RALGPS1: variants seen among roughly 807,000 people sequenced by gnomAD.
The protein encoded by RALGPS1 is ras-specific guanine nucleotide-releasing factor RalGPS1.
RALGPS1 carries 19 observed loss-of-function variants against 78.8 expected under a neutral mutation model. The observed-to-expected ratio is 0.24, with a 90% confidence interval of 0.17 to 0.35. RALGPS1 has a LOEUF of 0.35. Among genes scored for constraint, RALGPS1 ranks in the 10% least tolerant of loss-of-function variants. The pLI is 1.00. For synonymous variants in RALGPS1, 228 were observed against 256.3 expected, an observed-to-expected ratio of 0.89 and a Z score of 1.06; for missense variants, 454 against 688.3, an observed-to-expected ratio of 0.66 and a Z score of 3.81.
At chr9:127,089,440 G>A (rs1458766547) in intron 8 of RALGPS1, among the ~76,000 whole-genome samples, 1 of 152,216 alleles carries the variant, frequency 6.6e-6, no homozygotes, top group African/African-American at 2.4e-5. Context: ...TCTGAGGATT[G>A]AATGAGGATG....
chr9:126,949,889 A>C (rs2037647542), intron 1 of RALGPS1, among the ~76,000 whole-genome samples: 1 of 152,166 alleles, frequency 6.6e-6, no homozygotes, highest in African/African-American at 2.4e-5. Context: ...GTCCTTGCCC[A>C]TGCCTGTGTC....
chr9:126,980,253 T>C (rs2041118189), intron 4 of RALGPS1, among the ~76,000 whole-genome samples: 1 of 152,120 alleles, frequency 6.6e-6, no homozygotes, highest in African/African-American at 2.4e-5. Flanking sequence ...ATGAATAAAG[T>C]ACAATTTTAA....
Position 127,196,459 on chromosome 9 carries a change from CT to C in RALGPS1, c.1038-12del. Reference sequence around the variant, plus strand: ...ATAAGGAGCTTTGCCTTCTTTCTTCCTTTCCATTTTCCAGTATGATGTGTCA... The same window carrying C: ...ATAAGGAGCTTTGCCTTCTTTCTTCCTTCCATTTTCCAGTATGATGTGTCA... On this transcript the variant is annotated splice_polypyrimidine_tract_variant and intron_variant, in intron 12 of 18. Transcript: ENST00000259351. The C allele has an allele frequency of 6.2e-7, 1 of 1,603,376 alleles. No homozygotes were observed. Among genetic ancestry groups the C allele is most frequent in the Non-Finnish European group, 8.5e-7 (1 of 1,173,000 alleles).
intron 4 of RALGPS1, among the ~76,000 whole-genome samples, chr9:127,006,772 G>A (rs2043871704): frequency 6.6e-6 from 1 of 152,134 alleles, no homozygotes; most frequent in Non-Finnish European, 1.5e-5. Flanking sequence ...AGGTGGTCTG[G>A]CTCTAGGGTC....
chr9:126,924,152 G>A (rs1353465770), intron 1 of RALGPS1, among the ~76,000 whole-genome samples: 2 of 152,204 alleles, frequency 1.3e-5, no homozygotes, highest in African/African-American at 4.8e-5. Context: ...CCATATGCAT[G>A]TAACAGTTTC....
chr9:127,095,456 G>A (rs1265361539), intron 8 of RALGPS1, among the ~76,000 whole-genome samples: 1 of 152,202 alleles, frequency 6.6e-6, no homozygotes, highest in African/African-American at 2.4e-5. Flanking sequence ...GGACAAAAGT[G>A]CTAAGAAAGT....
chr9:127,147,356 G>A (rs1404495589), intron 8 of RALGPS1, among the ~76,000 whole-genome samples: 2 of 152,150 alleles, frequency 1.3e-5, no homozygotes, highest in African/African-American at 4.8e-5. Flanking sequence ...AGTTTATTTT[G>A]CTGTGCAGAA....
At chr9:126,934,476 G>A (rs2036081449) in intron 1 of RALGPS1, among the ~76,000 whole-genome samples, 1 of 152,160 alleles carries the variant, frequency 6.6e-6, no homozygotes, top group African/African-American at 2.4e-5. Context: ...ACTGGGTACA[G>A]GGGAGCCGGG....
chr9:127,171,949 T>C (rs1288295653), intron 10 of RALGPS1, among the ~76,000 whole-genome samples: 1 of 152,220 alleles, frequency 6.6e-6, no homozygotes, highest in African/African-American at 2.4e-5. Flanking sequence ...TGTGTTATTA[T>C]TACCACATAG....
intron 8 of RALGPS1, among the ~76,000 whole-genome samples, chr9:127,113,458 CTT>C (rs1240959533): frequency 1.1e-4 from 16 of 151,726 alleles, no homozygotes; most frequent in Non-Finnish European, 2.2e-4. Flanking sequence ...CTTTTGCTCT[CTT>C]GATATTTATT....
chr9:127,103,988 A>G (rs1305448943), intron 8 of RALGPS1, among the ~76,000 whole-genome samples: 1 of 152,170 alleles, frequency 6.6e-6, no homozygotes, highest in African/African-American at 2.4e-5. Flanking sequence ...CTTGACCTCT[A>G]TGAACCTCAA....
At chr9:127,197,065 G>T (rs898643112) in intron 13 of RALGPS1, among the ~76,000 whole-genome samples, 1 of 152,172 alleles carries the variant, frequency 6.6e-6, no homozygotes, top group South Asian at 2.1e-4. Flanking sequence ...TTCTCACTGC[G>T]TACTTGTCTT....
chr9:127,102,000 T>G (rs1161579669), intron 8 of RALGPS1, among the ~76,000 whole-genome samples: 1 of 152,136 alleles, frequency 6.6e-6, no homozygotes, highest in Non-Finnish European at 1.5e-5. Context: ...TCAGGCTTAT[T>G]TTCAGCATAA....
chr9:127,151,177 C>T (rs994637028), intron 8 of RALGPS1, among the ~76,000 whole-genome samples: 3 of 127,968 alleles, frequency 2.3e-5, no homozygotes, highest in East Asian at 2.1e-4. Flanking sequence ...AGCAAGACTC[C>T]GTCTCAAAAA....
At chr9:127,021,039 A>G (rs2045390781) in intron 4 of RALGPS1, among the ~76,000 whole-genome samples, 1 of 152,234 alleles carries the variant, frequency 6.6e-6, no homozygotes, top group Non-Finnish European at 1.5e-5. Context: ...TGTCATTATT[A>G]TAAACCAAAA....
At position 127,122,591 on chromosome 9, in the gene RALGPS1, A is replaced by C. The variant is rs2056233079; in HGVS notation, c.611-43478A>C. Reference sequence around the variant, plus strand: ...CCTCAGTGCCACGCTCGGCAGGTCCAGGGCTTGGGGTCCATCCTCAGGCCG... The same window carrying C: ...CCTCAGTGCCACGCTCGGCAGGTCCCGGGCTTGGGGTCCATCCTCAGGCCG... On this transcript the variant is annotated intron_variant, in intron 8 of 18. Transcript: ENST00000259351. This position sits in a 1 kb window ranked among gnomAD's most constrained non-coding sequence, Gnocchi z 6.4. The C allele has an allele frequency of 6.5e-6, 1 of 153,010 alleles. No homozygotes were observed. The highest frequency in any genetic ancestry group is 2.4e-5 in the African/African-American group (1 of 41,422). 9.5% of individuals were successfully genotyped at this position (153,010 alleles called of 1,614,324 possible). A position where few individuals can be genotyped will look rare whatever the true frequency, so the allele number is the denominator to read the frequency against.
chr9:127,069,225 T>A lies in RALGPS1; in HGVS notation c.484-5T>A. The A allele has an allele frequency of 6.2e-7, 1 of 1,601,058 alleles. No homozygotes were observed. Among genetic ancestry groups the A allele is most frequent in the Non-Finnish European group, 8.6e-7 (1 of 1,169,348 alleles). ...TTATTTTGCTATATTTTCTTCTCAT[T>A]CTAGCTTTTAAATCGAAAAGACAAG... On this transcript the variant is annotated splice_region_variant and splice_polypyrimidine_tract_variant and intron_variant, in intron 7 of 18. Transcript: ENST00000259351.
chr9:126,917,493 G>A (rs1294882083), intron 1 of RALGPS1, among the ~76,000 whole-genome samples: 1 of 152,212 alleles, frequency 6.6e-6, no homozygotes, highest in Non-Finnish European at 1.5e-5. Context: ...TAAGAGCTCA[G>A]ACTTGGAAGT....
chr9:127,189,736 A>G, intron 11 of RALGPS1, among the ~76,000 whole-genome samples: 1 of 152,032 alleles, frequency 6.6e-6, no homozygotes, highest in Non-Finnish European at 1.5e-5. Context: ...ATAGACTGCC[A>G]CCTCTCAGGA....
Sources: allele counts gnomAD v4.1 joint callset (sites outside exome capture counted in the v4.1 genomes callset), GRCh38; gene constraint gnomAD v4.1.1; non-coding constraint Gnocchi (gnomAD v3.1); transcripts MANE v1.5; gene names NCBI Gene and HGNC (gene_info 2026-07-23, HGNC 2026-07-21).